HIBCH: variants seen among roughly 807,000 people sequenced by gnomAD.
HIBCH encodes 3-hydroxyisobutyryl-CoA hydrolase, mitochondrial.
In HIBCH, 50 loss-of-function variants were observed where a neutral mutation model predicts 58.2. The ratio of observed to expected loss-of-function variants is 0.86; its 90% CI spans 0.68 to 1.09. The LOEUF (loss-of-function observed/expected upper bound fraction) is 1.09. Among genes scored for constraint, HIBCH ranks in the 50% least tolerant of loss-of-function variants. The pLI, the probability that HIBCH is intolerant of heterozygous loss-of-function variation, is 0.00. For synonymous variants in HIBCH, 151 were observed against 146.9 expected, an observed-to-expected ratio of 1.03 and a Z score of -0.20; for missense variants, 450 against 449.7, an observed-to-expected ratio of 1.00 and a Z score of -0.01.
chr2:190,310,550 C>G (rs1688530769), intron 2 of HIBCH, among the ~76,000 whole-genome samples: 1 of 152,188 alleles, frequency 6.6e-6, no homozygotes, highest in African/African-American at 2.4e-5. Flanking sequence ...CTCAGGCATT[C>G]TGACTTGTAA....
Position 190,315,836 on chromosome 2 carries a change from G to A in HIBCH, c.35+3880C>T, listed in dbSNP as rs1688698066. ...TTAAGATTTCAAGCCAGGACAACCA[G>A]GAGAATATAGAAAAGACAGGGAAAG... is the stretch of plus-strand genomic sequence containing the variant. On this transcript the variant is annotated intron_variant, in intron 1 of 13. Coordinates refer to ENST00000359678, the MANE Select transcript of HIBCH (RefSeq NM_014362.4). The surrounding 1 kb of genome is among the most constrained non-coding windows in gnomAD (Gnocchi z 5.4). 6.6e-6 allele frequency among the ~76,000 whole-genome samples: 1 copy of A among 152,156 alleles called. No homozygotes were observed. Among genetic ancestry groups the A allele is most frequent in the Non-Finnish European group, 1.5e-5 (1 of 68,038 alleles).
intron 11 of HIBCH, among the ~76,000 whole-genome samples, chr2:190,221,892 C>A (rs181528364): frequency 2.0e-5 from 3 of 152,298 alleles, no homozygotes; most frequent in Admixed American, 2.0e-4. Flanking sequence ...CCCTTTACAG[C>A]TCCCCTTCCT....
rs1223239470 is a variant in HIBCH at position 190,233,281 on chromosome 2, G to A, written c.891+11606C>T. 3.3e-5 allele frequency among the ~76,000 whole-genome samples: 5 copies of A among 151,924 alleles called. No homozygotes were observed. The East Asian group carries it at 7.7e-4, about 23-fold the overall frequency. On this transcript the variant is annotated intron_variant, in intron 11 of 13. Coordinates refer to ENST00000359678, the MANE Select transcript of HIBCH (RefSeq NM_014362.4). ...ATATGACACCACTGAGAGAGAAAAG[G>A]CAAGTCACAGAAAAGAAGATGATAT...
chr2:190,303,069 G>C (rs928497214), intron 2 of HIBCH, among the ~76,000 whole-genome samples: 19 of 152,188 alleles, frequency 1.2e-4, no homozygotes, highest in Admixed American at 8.5e-4. Flanking sequence ...AGAAGGGAAA[G>C]ACAGAATGAA....
chr2:190,296,288 C>T (rs1333583264), intron 3 of HIBCH, among the ~76,000 whole-genome samples: 11 of 152,042 alleles, frequency 7.2e-5, no homozygotes, highest in Admixed American at 7.2e-4. Flanking sequence ...GGTGTGGTGG[C>T]GGGCACCTGT....
chr2:190,251,294 T>C (rs996716670), intron 8 of HIBCH, among the ~76,000 whole-genome samples: 2 of 152,172 alleles, frequency 1.3e-5, no homozygotes, highest in Non-Finnish European at 2.9e-5. Flanking sequence ...CTGATGACCA[T>C]GTGCTTCCTT....
intron 11 of HIBCH, among the ~76,000 whole-genome samples, chr2:190,241,271 C>G (rs902510749): frequency 2.6e-5 from 4 of 152,162 alleles, no homozygotes; most frequent in African/African-American, 9.7e-5. Flanking sequence ...TCTGTTTTAT[C>G]AGAAACTAGG....
chr2:190,231,901 A>G (rs1376112842), intron 11 of HIBCH, among the ~76,000 whole-genome samples: 1 of 152,234 alleles, frequency 6.6e-6, no homozygotes, highest in Non-Finnish European at 1.5e-5. Flanking sequence ...GTCAAAACAT[A>G]AAACTTAATT....
At chr2:190,203,023 A>G (rs1406341608), downstream of HIBCH, 3 of 153,244 alleles carry the variant, frequency 2.0e-5, no homozygotes, top group Non-Finnish European at 3.1e-5. Flanking sequence ...TAATCACCTT[A>G]GTCCCAAAGA....
At chr2:190,259,319 A>ATGTGTGTGTGTGTG (rs370172555) in intron 7 of HIBCH, among the ~76,000 whole-genome samples, 2,981 of 122,062 alleles carry the variant, frequency 0.024, 89 homozygotes, top group East Asian at 0.048. Context: ...CAGTATACAG[A>ATGTGTGTGTGTGTG]TGTGTGTGTG....
intron 12 of HIBCH, among the ~76,000 whole-genome samples, chr2:190,212,676 C>T (rs1690540474): frequency 6.6e-6 from 1 of 152,170 alleles, no homozygotes. Flanking sequence ...GAGACCATCG[C>T]TGAAAGACAT....
chr2:190,246,293 G>C, intron 9 of HIBCH, 81 bp from the exon 10 acceptor site: 1 of 784,616 alleles, frequency 1.3e-6, no homozygotes, highest in Non-Finnish European at 2.1e-6. Flanking sequence ...GATACACTTT[G>C]TGAAAGATTG....
intron 9 of HIBCH, among the ~76,000 whole-genome samples, 164 bp downstream of exon 9, chr2:190,249,476 C>T (rs1043948386): frequency 1.3e-5 from 2 of 152,178 alleles, no homozygotes; most frequent in African/African-American, 4.8e-5. Context: ...GCTGGCTATA[C>T]TAACAACTGT....
At position 190,209,041 on chromosome 2, in the gene HIBCH, C is replaced by A; in HGVS notation, c.1012-128G>T. ...CAACCTGAACCATGACATTCAGAGA[C>A]TGAACCACCTCTGATAGCCCACTCT... On this transcript the variant is annotated intron_variant, in intron 12 of 13. Coordinates refer to ENST00000359678, the MANE Select transcript of HIBCH (RefSeq NM_014362.4). This position sits in a 1 kb window ranked among gnomAD's most constrained non-coding sequence, Gnocchi z 5.6. The A allele has an allele frequency of 2.6e-6, 2 of 782,472 alleles. No individual in the cohort carries two copies. Among genetic ancestry groups the A allele is most frequent in the Non-Finnish European group, 4.4e-6 (2 of 455,308 alleles). The allele number at this position is 782,472 out of a possible 1,614,324, so 48.5% of individuals were successfully genotyped here.
downstream of HIBCH, chr2:190,200,095 T>G (rs756630382): frequency 3.7e-6 from 6 of 1,614,088 alleles, no homozygotes; most frequent in South Asian, 6.6e-5. Context: ...GCAATGGGCA[T>G]GCAATAACAT....
intron 1 of HIBCH, among the ~76,000 whole-genome samples, chr2:190,194,076 T>C (rs966538113): frequency 3.9e-5 from 6 of 152,224 alleles, no homozygotes; most frequent in African/African-American, 1.4e-4. Flanking sequence ...TCCAAATATA[T>C]GAGGCTTTTC....
intron 2 of HIBCH, 35 bp downstream of exon 2, chr2:190,310,719 C>A (rs778992850): frequency 6.5e-7 from 1 of 1,543,968 alleles, no homozygotes; most frequent in Non-Finnish European, 9.0e-7. Context: ...GTTACACATA[C>A]AAATAATGCC....
chr2:190,250,366 T>A (rs777094647), intron 8 of HIBCH: 4 of 469,840 alleles, frequency 8.5e-6, no homozygotes, highest in African/African-American at 8.0e-5. Context: ...GTATTGTTTT[T>A]ACACTTACCA....
In HIBCH at chr2:190,217,842, A is replaced by AC. The variant is rs1005465305; in HGVS notation, c.892-4768dup. On this transcript the variant is annotated intron_variant, in intron 11 of 13. Coordinates refer to ENST00000359678, the MANE Select transcript of HIBCH (RefSeq NM_014362.4). This position sits in a 1 kb window ranked among gnomAD's most constrained non-coding sequence, Gnocchi z 4.6. ...CTCGGGTCAAGAGACTGGTAAAAGA[A>AC]CCCCTGAAAGAAAGGGAAAAGAGTG... 1.3e-5 allele frequency among the ~76,000 whole-genome samples: 2 copies of AC among 152,154 alleles called. No homozygotes were observed. Among genetic ancestry groups the AC allele is most frequent in the African/African-American group, 4.8e-5 (2 of 41,436 alleles).
Sources: gnomAD v4.1 joint callset for allele counts (sites outside exome capture counted in the v4.1 genomes callset) on GRCh38, gnomAD v4.1.1 for gene constraint, Gnocchi (gnomAD v3.1) non-coding constraint, MANE v1.5 for transcripts, NCBI Gene and HGNC (gene_info 2026-07-23, HGNC 2026-07-21) for gene names.